CD99L2: variants seen among roughly 807,000 people sequenced by gnomAD.
CD99L2 encodes CD99 antigen-like protein 2.
In CD99L2, 24 loss-of-function variants were observed where a neutral mutation model predicts 27.3. The observed-to-expected ratio is 0.88, with a 90% CI of 0.64 to 1.24. CD99L2 has a LOEUF of 1.24. Among genes scored for constraint, CD99L2 ranks in the 50% most tolerant of loss-of-function variants. The pLI is 0.00. For synonymous variants in CD99L2, 97 were observed against 87.9 expected (o/e 1.10, Z -0.58); for missense variants, 255 against 221.6 (o/e 1.15, Z -0.96).
Position 150,768,753 on chromosome X carries a change from A to G in CD99L2, c.*281T>C, listed in dbSNP as rs143399961. On this transcript the variant is annotated 3_prime_UTR_variant, in exon 11 of 11. Coordinates refer to ENST00000370377, the MANE Select transcript of CD99L2 (RefSeq NM_031462.4). ...CGCATCCTGTGCTCAGTAAAGCTGGAGGCAGGCTGGCTTTGGGAGTTGGTG... is the reference window on the plus strand; with the variant it reads ...CGCATCCTGTGCTCAGTAAAGCTGGGGGCAGGCTGGCTTTGGGAGTTGGTG... The G allele has an allele frequency of 5.1e-3, 2,125 of 414,032 alleles. 36 individuals carry two copies. Among genetic ancestry groups the G allele is most frequent in the African/African-American group, 0.047 (1,811 of 38,230 alleles). The allele number at this position is 414,032 out of a possible 1,213,427, so 34.1% of individuals were successfully genotyped here.
At position 150,769,084 on chromosome X, in the gene CD99L2, G is replaced by T. The variant is rs2043363396; in HGVS notation, c.739C>A (p.His247Asn). 8.6e-7 allele frequency: 1 copy of T among 1,163,047 alleles called. No individual in the cohort carries two copies. Among genetic ancestry groups the T allele is most frequent in the Non-Finnish European group, 1.1e-6 (1 of 877,650 alleles). The change falls in exon 11 of 11, where the codon CAC becomes AAC. Residue 247 changes from histidine (H) to asparagine (N), a missense_variant. Physicochemically the swap from His to Asn is moderately conservative, Grantham distance 68 (BLOSUM62 1). Transcript: ENST00000370377. ...GGCGGCGGCTCTGCAGACTGCGTGT[G>T]CAACGTGGAGTATTTCACTAGGGGA... ...EEPQVKYSTL[H>N]TQSAEPPPPP...
chrX:150,885,819 T>G (rs1557422620), intron 1 of CD99L2, among the ~76,000 whole-genome samples: 2 of 112,609 alleles, frequency 1.8e-5, no homozygotes, highest in South Asian at 7.3e-4. Flanking sequence ...CCTGGTCAAA[T>G]TTTTGGCTCA....
At chrX:150,887,174 G>A (rs1193628764) in intron 1 of CD99L2, among the ~76,000 whole-genome samples, 47 of 108,841 alleles carry the variant, frequency 4.3e-4, no homozygotes, top group Non-Finnish European at 3.1e-4. Flanking sequence ...GGCCAGGTGT[G>A]GTGGCTCACG....
chrX:150,789,267 C>A (rs1018037740), intron 7 of CD99L2, among the ~76,000 whole-genome samples: 5 of 109,065 alleles, frequency 4.6e-5, no homozygotes, highest in Admixed American at 2.0e-4. Context: ...GGACTACAGG[C>A]ACGTGCTACC....
At chrX:150,769,149 A>T (rs1266208316) in intron 10 of CD99L2, 48 bp from the exon 11 acceptor site, 20 of 1,126,109 alleles carry the variant, frequency 1.8e-5, no homozygotes, top group Non-Finnish European at 2.2e-5. Flanking sequence ...TGTCTTGCAC[A>T]GAAGAAGCAA....
At chrX:150,875,466 A>C (rs2047214284) in intron 1 of CD99L2, among the ~76,000 whole-genome samples, 1 of 111,872 alleles carries the variant, frequency 8.9e-6, no homozygotes, top group South Asian at 3.8e-4. Context: ...TTTAATCCCC[A>C]TAAGGATCCC....
intron 8 of CD99L2, chrX:150,777,216 T>C: frequency 2.3e-6 from 1 of 438,897 alleles, no homozygotes. Flanking sequence ...AGAACTGTTT[T>C]AGGGTAAAGA....
intron 9 of CD99L2, among the ~76,000 whole-genome samples, chrX:150,775,572 G>C (rs1280366913): frequency 8.9e-6 from 1 of 112,600 alleles, no homozygotes; most frequent in Non-Finnish European, 1.9e-5. Context: ...GTGGGTCGGG[G>C]GGGAACCACA....
intron 1 of CD99L2, among the ~76,000 whole-genome samples, chrX:150,888,674 A>C (rs1380335024): frequency 1.8e-5 from 2 of 112,552 alleles, no homozygotes; most frequent in Non-Finnish European, 3.8e-5. Flanking sequence ...TGTCTACTGG[A>C]ATGTTCATGC....
intron 1 of CD99L2, among the ~76,000 whole-genome samples, chrX:150,882,010 G>T (rs1010119605): frequency 1.8e-4 from 20 of 109,933 alleles, no homozygotes; most frequent in African/African-American, 6.3e-4. Flanking sequence ...TAGAGACGGG[G>T]TTTCACCATG....
chrX:150,887,085 A>G (rs1486256515), intron 1 of CD99L2, among the ~76,000 whole-genome samples: 1 of 108,072 alleles, frequency 9.3e-6, no homozygotes, highest in East Asian at 2.9e-4. Context: ...TTGAGGCAGC[A>G]TTGAGCCATG....
chrX:150,888,737 A>T (rs1355980991), intron 1 of CD99L2, among the ~76,000 whole-genome samples: 2 of 112,252 alleles, frequency 1.8e-5, no homozygotes, highest in Non-Finnish European at 3.8e-5. Context: ...CCTTGCTATA[A>T]GGAAGCTCAA....
At chrX:150,782,082 T>C (rs2045522160) in intron 7 of CD99L2, among the ~76,000 whole-genome samples, 2 of 111,833 alleles carry the variant, frequency 1.8e-5, no homozygotes, top group Admixed American at 1.9e-4. Flanking sequence ...AACGTAATGG[T>C]AGGAAGATTA....
At chrX:150,870,840 C>T (rs183328450) in intron 1 of CD99L2, among the ~76,000 whole-genome samples, 1 of 109,950 alleles carries the variant, frequency 9.1e-6, no homozygotes, top group Non-Finnish European at 1.9e-5. Flanking sequence ...GAAAAGGCAG[C>T]AAGCAGTTAT....
At chrX:150,806,510 A>T (rs1031929176) in intron 4 of CD99L2, among the ~76,000 whole-genome samples, 22 of 112,486 alleles carry the variant, frequency 2.0e-4, no homozygotes, top group African/African-American at 6.8e-4. Context: ...TCTGACATGC[A>T]AATGGCTGGT....
chrX:150,854,975 T>G (rs2046850820), intron 1 of CD99L2, among the ~76,000 whole-genome samples: 2 of 110,222 alleles, frequency 1.8e-5, no homozygotes, highest in African/African-American at 6.6e-5. Flanking sequence ...AACAGACAGA[T>G]GGCCTAAAGA....
intron 4 of CD99L2, among the ~76,000 whole-genome samples, chrX:150,798,425 C>G (rs1255519932): frequency 1.8e-5 from 2 of 110,599 alleles, no homozygotes; most frequent in Admixed American, 1.9e-4. Flanking sequence ...CAAGACCATT[C>G]GATCGGGGAA....
chrX:150,845,988 C>T (rs782493038), intron 1 of CD99L2, among the ~76,000 whole-genome samples: 4 of 111,204 alleles, frequency 3.6e-5, no homozygotes, highest in Admixed American at 9.5e-5. Flanking sequence ...CTCAGGAGTT[C>T]GAGACCAGCC....
At chrX:150,837,483 C>T (rs1417515810) in intron 1 of CD99L2, among the ~76,000 whole-genome samples, 1 of 111,414 alleles carries the variant, frequency 9.0e-6, no homozygotes, top group East Asian at 2.8e-4. Context: ...CTCCTGACCT[C>T]TAGTGCCGCC....
Sources: gnomAD v4.1 joint callset for allele counts (sites outside exome capture counted in the v4.1 genomes callset) on GRCh38, gnomAD v4.1.1 for gene constraint, MANE v1.5 for transcripts, NCBI Gene and HGNC (gene_info 2026-07-23, HGNC 2026-07-21) for gene names.